Variants in RBMS1 observed in about 807,000 individuals in gnomAD.
RBMS1 encodes the protein RNA binding motif single stranded interacting protein 1.
A neutral mutation model predicts 62.3 loss-of-function variants in RBMS1; 17 were observed. The observed-to-expected ratio is 0.27, with a 90% CI of 0.19 to 0.41. The LOEUF is 0.41. Among genes scored for constraint, RBMS1 ranks in the 10% least tolerant of loss-of-function variants. The pLI, the probability that RBMS1 is intolerant of heterozygous loss-of-function variation, is 1.00. For missense variants in RBMS1, 334 were observed against 504.5 expected (o/e 0.66, Z 3.24); for synonymous variants, 172 against 170.0 (o/e 1.01, Z -0.09).
At chr2:160,455,871 G>T (rs1248809381) in intron 1 of RBMS1, among the ~76,000 whole-genome samples, 1 of 151,816 alleles carries the variant, frequency 6.6e-6, no homozygotes, top group Admixed American at 6.6e-5. Context: ...TTTTAGTAGA[G>T]ACGGGGTTTC....
chr2:160,343,131 C>T (rs1169352826), intron 2 of RBMS1, among the ~76,000 whole-genome samples: 1 of 152,186 alleles, frequency 6.6e-6, no homozygotes, highest in African/African-American at 2.4e-5. Context: ...AAAAGGCTCA[C>T]TTCAGTGAAA....
chr2:160,441,158 G>C (rs1683395160), intron 1 of RBMS1, among the ~76,000 whole-genome samples: 1 of 152,086 alleles, frequency 6.6e-6, no homozygotes, highest in African/African-American at 2.4e-5. Flanking sequence ...TCTTTCACTT[G>C]GAGTGTTTTT....
intron 2 of RBMS1, among the ~76,000 whole-genome samples, chr2:160,352,808 T>A (rs1047627215): frequency 2.0e-5 from 3 of 152,136 alleles, no homozygotes; most frequent in Admixed American, 2.0e-4. Flanking sequence ...AATACTAAAG[T>A]GCCTACCGCG....
chr2:160,475,859 A>ATTT (rs34858686), intron 1 of RBMS1, among the ~76,000 whole-genome samples: 4 of 142,094 alleles, frequency 2.8e-5, no homozygotes, highest in Non-Finnish European at 4.6e-5. Flanking sequence ...TGGGCCCCCC[A>ATTT]TTTTTTTTTT....
chr2:160,362,269 G>C (rs931481175), intron 2 of RBMS1, among the ~76,000 whole-genome samples: 1 of 152,212 alleles, frequency 6.6e-6, no homozygotes, highest in East Asian at 1.9e-4. Context: ...GTGGCACTCT[G>C]AATTTCCTTC....
intron 2 of RBMS1, among the ~76,000 whole-genome samples, chr2:160,357,109 T>G: frequency 6.6e-6 from 1 of 152,124 alleles, no homozygotes; most frequent in East Asian, 1.9e-4. Context: ...CACCTTCGTA[T>G]AATGGTTAAA....
chr2:160,430,700 CTTTA>C (rs1682854446), intron 1 of RBMS1, among the ~76,000 whole-genome samples: 1 of 152,104 alleles, frequency 6.6e-6, no homozygotes, highest in Non-Finnish European at 1.5e-5. Flanking sequence ...ACCTGTGCCT[CTTTA>C]TTTATGCACA....
intron 2 of RBMS1, among the ~76,000 whole-genome samples, chr2:160,323,609 A>ATG (rs1690709275): frequency 2.4e-5 from 2 of 82,828 alleles, no homozygotes; most frequent in South Asian, 8.0e-4. Flanking sequence ...GAATTTCATG[A>ATG]AAGAAAAAAA....
At chr2:160,471,073 A>G (rs1684895199) in intron 1 of RBMS1, among the ~76,000 whole-genome samples, 1 of 152,214 alleles carries the variant, frequency 6.6e-6, no homozygotes, top group African/African-American at 2.4e-5. Flanking sequence ...ATGATCTTCA[A>G]TATCCATAAG....
At chr2:160,422,958 C>G (rs1025600527) in intron 1 of RBMS1, among the ~76,000 whole-genome samples, 1 of 152,162 alleles carries the variant, frequency 6.6e-6, no homozygotes, top group Non-Finnish European at 1.5e-5. Flanking sequence ...AATCCTACCC[C>G]TACAATGATA....
At chr2:160,357,033 A>G (rs1692839295) in intron 2 of RBMS1, among the ~76,000 whole-genome samples, 1 of 152,142 alleles carries the variant, frequency 6.6e-6, no homozygotes, top group Admixed American at 6.6e-5. Context: ...AGGAAATTCT[A>G]CATAAAACCA....
intron 1 of RBMS1, among the ~76,000 whole-genome samples, chr2:160,382,295 A>C (rs1694320863): frequency 6.6e-6 from 1 of 152,228 alleles, no homozygotes; most frequent in Non-Finnish European, 1.5e-5. Flanking sequence ...CATTTTCCTC[A>C]CTGAAACAGA....
rs114313248 is a variant in RBMS1, at chr2:160,430,885, C to T, written c.75+62404G>A. Among the ~76,000 whole-genome samples the T allele has an allele frequency of 5.5e-3, 840 of 152,008 alleles. 12 individuals carry two copies. Among genetic ancestry groups the T allele is most frequent in the African/African-American group, 0.019 (808 of 41,494 alleles). On this transcript the variant is annotated intron_variant, in intron 1 of 13. Transcript: ENST00000348849. ...TTTTACAACTCTCCTATCTGCTTGACTTTCAGTTGCATGAAATAATGATGG... is the reference window on the plus strand; with the variant it reads ...TTTTACAACTCTCCTATCTGCTTGATTTTCAGTTGCATGAAATAATGATGG...
At chr2:160,449,249 G>C (rs539952967) in intron 1 of RBMS1, among the ~76,000 whole-genome samples, 109 of 151,982 alleles carry the variant, frequency 7.2e-4, no homozygotes, top group Middle Eastern at 3.4e-3. Context: ...GGAGGGAGGT[G>C]GGGGGCGCCT....
chr2:160,419,041 A>G (rs922069206), intron 1 of RBMS1, among the ~76,000 whole-genome samples: 2 of 152,226 alleles, frequency 1.3e-5, no homozygotes, highest in African/African-American at 4.8e-5. Flanking sequence ...AGAAATACTT[A>G]AGAAGGTTTG....
At chr2:160,384,336 T>C (rs1462568163) in intron 1 of RBMS1, among the ~76,000 whole-genome samples, 2 of 152,228 alleles carry the variant, frequency 1.3e-5, no homozygotes, top group Non-Finnish European at 2.9e-5. Context: ...TAAAATGTCA[T>C]TAGAAAACAG....
chr2:160,306,327 G>A (rs754282059), intron 4 of RBMS1, among the ~76,000 whole-genome samples: 1 of 152,102 alleles, frequency 6.6e-6, no homozygotes, highest in Non-Finnish European at 1.5e-5. Flanking sequence ...ATGCTTTAAA[G>A]TCTTGATTCA....
chr2:160,427,050 T>C (rs1682663550), intron 1 of RBMS1, among the ~76,000 whole-genome samples: 1 of 152,250 alleles, frequency 6.6e-6, no homozygotes, highest in South Asian at 2.1e-4. Context: ...TGTTAGACTT[T>C]ATCTCTAATC....
chr2:160,373,869 C>G (rs1230172711), intron 1 of RBMS1, among the ~76,000 whole-genome samples: 1 of 152,078 alleles, frequency 6.6e-6, no homozygotes, highest in Non-Finnish European at 1.5e-5. Flanking sequence ...AAATAGAGTT[C>G]AACCAAGGGA....
Sources: allele counts gnomAD v4.1 joint callset (sites outside exome capture counted in the v4.1 genomes callset), GRCh38; gene constraint gnomAD v4.1.1; transcripts MANE v1.5; gene names NCBI Gene and HGNC (gene_info 2026-07-23, HGNC 2026-07-21).